RSRC1: variants seen among roughly 807,000 people sequenced by gnomAD.
RSRC1 encodes arginine and serine rich coiled-coil 1.
A neutral mutation model predicts 49.1 loss-of-function variants in RSRC1; 39 were observed. The ratio of observed to expected loss-of-function variants is 0.79; its 90% CI spans 0.61 to 1.04. The LOEUF is 1.04. Among genes scored for constraint, RSRC1 ranks in the 50% least tolerant of loss-of-function variants. RSRC1 has a pLI of 0.00. For missense variants in RSRC1, 388 were observed against 402.4 expected (o/e 0.96, Z 0.31); for synonymous variants, 143 against 130.8 (o/e 1.09, Z -0.63).
intron 7 of RSRC1, among the ~76,000 whole-genome samples, chr3:158,516,805 A>G (rs1304146969): frequency 2.6e-5 from 4 of 152,062 alleles, no homozygotes; most frequent in Non-Finnish European, 5.9e-5. Context: ...CTGGTGCGCT[A>G]TTTTTTAAGC....
chr3:158,495,509 C>G (rs939414961), intron 7 of RSRC1, among the ~76,000 whole-genome samples: 1 of 152,128 alleles, frequency 6.6e-6, no homozygotes, highest in Non-Finnish European at 1.5e-5. Context: ...TGGTCTCGAA[C>G]TCCTGACCTC....
chr3:158,290,287 T>G (rs1726847785), intron 4 of RSRC1, among the ~76,000 whole-genome samples: 1 of 152,034 alleles, frequency 6.6e-6, no homozygotes. Flanking sequence ...TTTTGTTTTG[T>G]TTTGAGATGG....
chr3:158,424,343 G>T (rs1381287319), intron 6 of RSRC1, among the ~76,000 whole-genome samples: 4 of 151,902 alleles, frequency 2.6e-5, no homozygotes, highest in Admixed American at 6.6e-5. Flanking sequence ...TAAACATGTG[G>T]TTTTTGTCTT....
chr3:158,183,723 C>T (rs1202583203), intron 3 of RSRC1, among the ~76,000 whole-genome samples: 2 of 151,956 alleles, frequency 1.3e-5, no homozygotes, highest in Admixed American at 6.6e-5. Context: ...TCAAGACTAA[C>T]ATAGGCAGCA....
chr3:158,407,078 T>G (rs560397753), intron 6 of RSRC1, among the ~76,000 whole-genome samples: 20 of 152,288 alleles, frequency 1.3e-4, no homozygotes, highest in African/African-American at 4.6e-4. Context: ...CAACAGATCC[T>G]GTATAACCAG....
At chr3:158,364,895 A>G (rs1377346319) in intron 6 of RSRC1, among the ~76,000 whole-genome samples, 1 of 150,776 alleles carries the variant, frequency 6.6e-6, no homozygotes, top group African/African-American at 2.4e-5. Context: ...AATAAAGTCT[A>G]TAGAGAGATT....
chr3:158,482,688 T>C (rs1738660437), intron 7 of RSRC1, among the ~76,000 whole-genome samples: 1 of 152,048 alleles, frequency 6.6e-6, no homozygotes, highest in Non-Finnish European at 1.5e-5. Context: ...TATCATACTC[T>C]GTAAGTTATT....
rs1713233281 is a variant in RSRC1, at chr3:158,544,809, T to G, written c.*534T>G. 1 of 152,260 alleles carries G rather than the reference T, an allele frequency of 6.6e-6. No individual in the cohort carries two copies. Among genetic ancestry groups the G allele is most frequent in the Non-Finnish European group, 1.5e-5 (1 of 68,044 alleles). 9.4% of individuals were successfully genotyped at this position (152,260 alleles called of 1,614,324 possible). ...GGAAAAAAAATTTTTGAAACTTAAA[T>G]AAATTGGTGATTTTGCTTAGAGATC... is the stretch of plus-strand genomic sequence containing the variant. On this transcript the variant is annotated 3_prime_UTR_variant, in exon 10 of 10. Coordinates refer to ENST00000611884, the MANE Select transcript of RSRC1 (RefSeq NM_001271838.2).
intron 3 of RSRC1, among the ~76,000 whole-genome samples, chr3:158,166,710 T>C (rs1718561681): frequency 6.6e-6 from 1 of 152,212 alleles, no homozygotes; most frequent in African/African-American, 2.4e-5. Flanking sequence ...CTGTGGACTT[T>C]AGTCTATTGT....
At chr3:158,157,972 A>T (rs1228565757) in intron 3 of RSRC1, among the ~76,000 whole-genome samples, 1 of 151,694 alleles carries the variant, frequency 6.6e-6, no homozygotes, top group East Asian at 1.9e-4. Flanking sequence ...GGTTTTACTG[A>T]TTTTTTTTAA....
At chr3:158,352,769 G>A (rs1350938991) in intron 5 of RSRC1, among the ~76,000 whole-genome samples, 2 of 152,084 alleles carry the variant, frequency 1.3e-5, no homozygotes, top group African/African-American at 4.8e-5. Context: ...GTTGGTGCTG[G>A]GTGTCAGCTG....
At chr3:158,163,047 A>G (rs1308642871) in intron 3 of RSRC1, among the ~76,000 whole-genome samples, 1 of 152,128 alleles carries the variant, frequency 6.6e-6, no homozygotes, top group Non-Finnish European at 1.5e-5. Context: ...CTGCACCCCT[A>G]GGCTGGAGTA....
At chr3:158,350,622 G>GT (rs1730820073) in intron 5 of RSRC1, among the ~76,000 whole-genome samples, 1 of 152,000 alleles carries the variant, frequency 6.6e-6, no homozygotes, top group Admixed American at 6.5e-5. Flanking sequence ...TAGAAATAGT[G>GT]TTTTTTAATG....
intron 5 of RSRC1, among the ~76,000 whole-genome samples, chr3:158,316,032 C>T (rs1045984027): frequency 8.6e-5 from 13 of 151,844 alleles, no homozygotes; most frequent in African/African-American, 1.2e-4. Context: ...ATTAGCTGGG[C>T]GTGGTGGCAT....
chr3:158,290,191 C>T (rs200868492), intron 4 of RSRC1, among the ~76,000 whole-genome samples: 4 of 151,698 alleles, frequency 2.6e-5, no homozygotes, highest in Non-Finnish European at 5.9e-5. Flanking sequence ...GAATGTAAGG[C>T]GAGAAAAATT....
At chr3:158,110,351 G>C (rs1038196977) in intron 1 of RSRC1, 128 bp downstream of exon 1, 2 of 152,448 alleles carry the variant, frequency 1.3e-5, no homozygotes, top group African/African-American at 4.8e-5. Flanking sequence ...GGTGGGCTGC[G>C]GCCTCGGGGC....
intron 7 of RSRC1, among the ~76,000 whole-genome samples, chr3:158,478,140 G>A (rs1578526540): frequency 6.6e-6 from 1 of 151,478 alleles, no homozygotes; most frequent in East Asian, 1.9e-4. Context: ...GGATTATATA[G>A]GATCTTATCA....
At chr3:158,351,408 C>G (rs827134) in intron 5 of RSRC1, among the ~76,000 whole-genome samples, 59,093 of 152,126 alleles carry the variant, frequency 0.39, 12,341 homozygotes, top group East Asian at 0.63. Context: ...AAGGCTTGAG[C>G]AATAAATATA....
intron 4 of RSRC1, among the ~76,000 whole-genome samples, chr3:158,248,096 T>C (rs1352520271): frequency 3.3e-5 from 5 of 152,188 alleles, no homozygotes. Context: ...TTGCTTCTAA[T>C]CAGCCATCTT....
Sources: allele counts gnomAD v4.1 joint callset (sites outside exome capture counted in the v4.1 genomes callset), GRCh38; gene constraint gnomAD v4.1.1; transcripts MANE v1.5; gene names NCBI Gene and HGNC (gene_info 2026-07-23, HGNC 2026-07-21).